The following CCDC170 variants were observed in gnomAD, a reference collection of about 807,000 sequenced individuals.
CCDC170 encodes coiled-coil domain-containing protein 170.
Under a neutral mutation model 72.6 loss-of-function variants are expected in CCDC170, and 69 were observed. The observed-to-expected ratio is 0.95, with a 90% CI of 0.78 to 1.16. The LOEUF is 1.16. CCDC170 is among the 50% of genes most tolerant of loss of function. CCDC170 has a pLI of 0.00. For missense variants in CCDC170, 852 were observed against 832.5 expected, an observed-to-expected ratio of 1.02 and a Z score of -0.29; for synonymous variants, 300 against 303.9, an observed-to-expected ratio of 0.99 and a Z score of 0.13.
intron 8 of CCDC170, among the ~76,000 whole-genome samples, chr6:151,596,044 A>C (rs1420972713): frequency 6.6e-6 from 1 of 152,124 alleles, no homozygotes; most frequent in African/African-American, 2.4e-5. Context: ...TTTTAAAAGT[A>C]ATTTTACATT....
At chr6:151,568,219 G>C (rs189964030) in intron 5 of CCDC170, among the ~76,000 whole-genome samples, 5 of 149,828 alleles carry the variant, frequency 3.3e-5, no homozygotes, top group African/African-American at 1.2e-4. Context: ...AAATGATCTT[G>C]TTGGGACTGT....
At chr6:151,519,680 C>A (rs956669087) in intron 1 of CCDC170, among the ~76,000 whole-genome samples, 1 of 152,182 alleles carries the variant, frequency 6.6e-6, no homozygotes, top group African/African-American at 2.4e-5. Context: ...TCCCTCCGTT[C>A]GGGGTTCCTG....
At chr6:151,592,921 A>G in intron 7 of CCDC170, 186 bp from the exon 8 acceptor site, 1 of 615,038 alleles carries the variant, frequency 1.6e-6, no homozygotes, top group Non-Finnish European at 2.9e-6. Flanking sequence ...GACAAGGGGT[A>G]GGCAGGGAAC....
chr6:151,616,446 T>A (rs1269576241), intron 10 of CCDC170, among the ~76,000 whole-genome samples: 1 of 151,880 alleles, frequency 6.6e-6, no homozygotes, highest in African/African-American at 2.4e-5. Context: ...GGGCATAGAG[T>A]GGACTCTGAT....
rs111475949 is a variant in CCDC170, at chr6:151,499,152, C to T, written c.57+4967C>T. On this transcript the variant is annotated intron_variant, in intron 1 of 10. Coordinates refer to ENST00000239374, the MANE Select transcript of CCDC170 (RefSeq NM_025059.4). The stretch of plus-strand genomic sequence containing the variant: ...ATACTGTATTTGACTATTCTAGGCA[C>T]GCTGTATAAGTGGAATCAGACTGTA... Among the ~76,000 whole-genome samples, 136 of 107,774 alleles carry T rather than the reference C, an allele frequency of 1.3e-3. 2 individuals carry two copies. Among genetic ancestry groups the T allele is most frequent in the African/African-American group, 5.0e-3 (107 of 21,250 alleles). 70.7% of individuals were successfully genotyped at this position (107,774 alleles called of 152,430 possible). A position where few individuals can be genotyped will look rare whatever the true frequency, so the allele number is the denominator to read the frequency against.
intron 5 of CCDC170, among the ~76,000 whole-genome samples, chr6:151,555,279 G>A (rs112551299): frequency 2.6e-5 from 4 of 152,240 alleles, no homozygotes; most frequent in African/African-American, 9.6e-5. Context: ...TACTTAGGAC[G>A]TGTCTGGCAC....
At chr6:151,520,732 TA>T (rs1224106317) in intron 1 of CCDC170, among the ~76,000 whole-genome samples, 5 of 152,288 alleles carry the variant, frequency 3.3e-5, no homozygotes, top group Admixed American at 2.0e-4. Flanking sequence ...CCCAGATTGA[TA>T]AACTGGCCCA....
intron 1 of CCDC170, among the ~76,000 whole-genome samples, chr6:151,505,541 G>A (rs950464977): frequency 6.6e-6 from 1 of 152,018 alleles, no homozygotes; most frequent in Non-Finnish European, 1.5e-5. Context: ...AAAATTAGCC[G>A]GGCGTGGTGG....
intron 6 of CCDC170, 95 bp from the exon 7 acceptor site, chr6:151,585,794 C>T: frequency 1.8e-6 from 2 of 1,092,174 alleles, no homozygotes; most frequent in Non-Finnish European, 2.6e-6. Flanking sequence ...AAGTTGGTAT[C>T]ATAAACAGTT....
At chr6:151,595,600 G>C (rs908657036) in intron 8 of CCDC170, among the ~76,000 whole-genome samples, 9 of 152,080 alleles carry the variant, frequency 5.9e-5, no homozygotes, top group Non-Finnish European at 1.0e-4. Context: ...TGGACCTCTT[G>C]AACCCAGGAG....
At chr6:151,509,344 C>T (rs1244468985) in intron 1 of CCDC170, among the ~76,000 whole-genome samples, 1 of 152,050 alleles carries the variant, frequency 6.6e-6, no homozygotes. Context: ...GTGGCTATTC[C>T]ATATGTGACA....
At chr6:151,593,014 C>A in intron 7 of CCDC170, 93 bp from the exon 8 acceptor site, 1 of 1,344,932 alleles carries the variant, frequency 7.4e-7, no homozygotes, top group Non-Finnish European at 1.0e-6. Context: ...GGAGAATTAC[C>A]TGTAAGCTTG....
chr6:151,516,702 A>C (rs1782241139), intron 1 of CCDC170, among the ~76,000 whole-genome samples: 1 of 152,196 alleles, frequency 6.6e-6, no homozygotes, highest in Non-Finnish European at 1.5e-5. Context: ...GGTCAGCTCT[A>C]GACTGTACCA....
chr6:151,587,348 C>G (rs1340460443), intron 7 of CCDC170, among the ~76,000 whole-genome samples: 2 of 151,936 alleles, frequency 1.3e-5, no homozygotes, highest in Non-Finnish European at 2.9e-5. Flanking sequence ...TCTAGTAGAC[C>G]AGTGTGAAGT....
At chr6:151,534,508 T>A (rs1782544939) in intron 1 of CCDC170, among the ~76,000 whole-genome samples, 2 of 152,226 alleles carry the variant, frequency 1.3e-5, no homozygotes, top group Admixed American at 6.5e-5. Context: ...ACGTATGTCC[T>A]CATATGGCCT....
intron 9 of CCDC170, among the ~76,000 whole-genome samples, chr6:151,600,884 C>A (rs1208737897): frequency 3.3e-5 from 5 of 152,168 alleles, no homozygotes; most frequent in Non-Finnish European, 7.4e-5. Flanking sequence ...CCACACCCAT[C>A]CACAGTCATT....
chr6:151,522,053 G>C (rs990137422), intron 1 of CCDC170, among the ~76,000 whole-genome samples: 3 of 151,304 alleles, frequency 2.0e-5, no homozygotes, highest in African/African-American at 7.3e-5. Context: ...CCAGCTACTC[G>C]GAAGGCTGAG....
intron 9 of CCDC170, among the ~76,000 whole-genome samples, chr6:151,611,514 T>A (rs1776870524): frequency 6.6e-6 from 1 of 151,940 alleles, no homozygotes; most frequent in Non-Finnish European, 1.5e-5. Flanking sequence ...GGGCCTCTTC[T>A]ATAAGAGCAC....
rs991800746 is a variant in CCDC170 at position 151,615,428 on chromosome 6, C to A, written c.1711-15C>A. On this transcript the variant is annotated splice_polypyrimidine_tract_variant and intron_variant, in intron 9 of 10. Transcript: ENST00000239374. The stretch of plus-strand genomic sequence containing the variant: ...AAATACAAAAGGAGTTATCAGCATT[C>A]TCTTGACTTTCTAGATTAAAACTTT... 2 of 1,570,416 alleles carry A rather than the reference C, an allele frequency of 1.3e-6. No homozygotes were observed. Among genetic ancestry groups the A allele is most frequent in the Non-Finnish European group, 1.8e-6 (2 of 1,142,048 alleles).
Sources: allele counts gnomAD v4.1 joint callset (sites outside exome capture counted in the v4.1 genomes callset), GRCh38; gene constraint gnomAD v4.1.1; transcripts MANE v1.5; gene names NCBI Gene and HGNC (gene_info 2026-07-23, HGNC 2026-07-21).